The following CROCC variants were observed in gnomAD, a reference collection of about 807,000 sequenced individuals.
CROCC encodes rootletin.
In CROCC, 180 loss-of-function variants were observed where a neutral mutation model predicts 245.2. That is an observed-to-expected ratio of 0.73 (90% CI 0.65 to 0.83). The LOEUF is 0.83. CROCC is among the 40% of genes least tolerant of loss of function. The probability of loss-of-function intolerance (pLI) is 0.00; values close to 1 mark genes in which losing one functional copy is unlikely to be tolerated. For missense variants in CROCC, 2,688 were observed against 2,779.4 expected, an observed-to-expected ratio of 0.97 and a Z score of 0.74; for synonymous variants, 1,205 against 1,241.6, an observed-to-expected ratio of 0.97 and a Z score of 0.62.
At chr1:16,961,163 A>C in intron 27 of CROCC, 33 bp downstream of exon 27, 5 of 1,259,328 alleles carry the variant, frequency 4.0e-6, no homozygotes, top group Non-Finnish European at 5.0e-6. Context: ...GGAAGGGGGG[A>C]GGTGGGCGGG....
intron 33 of CROCC, 73 bp downstream of exon 33, chr1:16,970,007 C>T: frequency 2.0e-6 from 3 of 1,497,472 alleles, no homozygotes; most frequent in Non-Finnish European, 2.7e-6. Flanking sequence ...CGTTCCCACC[C>T]ATCTCAACCT....
At chr1:16,924,216 C>A in intron 2 of CROCC, 109 bp from the exon 3 acceptor site, 14 of 1,355,376 alleles carry the variant, frequency 1.0e-5, no homozygotes, top group Non-Finnish European at 1.4e-5. Flanking sequence ...GCAGCCATTC[C>A]CATCTGGACT....
chr1:16,927,569 C>T (rs577613575), intron 3 of CROCC, among the ~76,000 whole-genome samples: 1 of 152,404 alleles, frequency 6.6e-6, no homozygotes, highest in African/African-American at 2.4e-5. Flanking sequence ...CTTAGCCGTT[C>T]ACGGGAAGGC....
In CROCC at chr1:16,966,425, G is replaced by A. The variant is rs1055955512; in HGVS notation, c.4714G>A (p.Gly1572Arg). ...ESEEARRSVD[G>R]RLSGVQAELA... ...GGCTACAGCCCGGCGCAGTGTGGAT[G>A]GGCGGCTGAGCGGGGTCCAGGCGGA... Residue 1572 changes from glycine (G) to arginine (R), a missense_variant, in exon 30 of 37, where the codon GGG (glycine) becomes AGG (arginine). Gly to Arg is a moderately radical substitution (Grantham distance 125). Transcript: ENST00000375541. The surrounding 1 kb of genome is among the most constrained non-coding windows in gnomAD (Gnocchi z 4.8). 3 of 1,536,286 alleles carry A rather than the reference G, an allele frequency of 2.0e-6. No homozygotes were observed. In the East Asian group the frequency reaches 7.3e-5, roughly 37 times the overall value.
Position 16,939,931 on chromosome 1 carries a change from T to C in CROCC, c.1646T>C (p.Leu549Pro). The change falls in exon 13 of 37, where the codon CTG becomes CCG. Residue 549 changes from leucine to proline, a missense_variant. Physicochemically the swap from Leu to Pro is moderately conservative, Grantham distance 98. Around this residue, in one of 9 missense-constraint regions of CROCC, gnomAD observed 972 missense variants for 895.3 expected, o/e 1.09. Coordinates refer to ENST00000375541, the MANE Select transcript of CROCC (RefSeq NM_014675.5). ...RGRYEASQDL[L>P]GTLRKQLSDS... is the part of the protein sequence containing the mutation. ...CGCTATGAGGCAAGCCAGGACCTAC[T>C]GGGCACCCTGCGGAAGCAGCTTAGC... 1 of 1,612,704 alleles carries C rather than the reference T, an allele frequency of 6.2e-7. No homozygotes were observed. The highest frequency in any genetic ancestry group is 1.1e-5 in the South Asian group (1 of 91,024).
In CROCC at chr1:16,972,514, C is replaced by T. The variant is rs183137445; in HGVS notation, c.*68C>T. 18 of 1,052,056 alleles carry T rather than the reference C, an allele frequency of 1.7e-5. No individual in the cohort carries two copies. Among genetic ancestry groups the T allele is most frequent in the Non-Finnish European group, 2.2e-5 (16 of 742,288 alleles). 65.2% of individuals were successfully genotyped at this position (1,052,056 alleles called of 1,614,324 possible). A position where few individuals can be genotyped will look rare whatever the true frequency, so the allele number is the denominator to read the frequency against. On this transcript the variant is annotated 3_prime_UTR_variant, in exon 37 of 37. Transcript: ENST00000375541. The stretch of plus-strand genomic sequence containing the variant: ...GGGAGGACCCTTCTTTTGGACAGCC[C>T]CCCCACCCAGAGCCCGGTCCCTTGG...
Position 16,943,134 on chromosome 1 carries a change from TG to T in CROCC, c.1809-963del, listed in dbSNP as rs2075967771. On this transcript the variant is annotated intron_variant, in intron 13 of 36. Coordinates refer to ENST00000375541, the MANE Select transcript of CROCC (RefSeq NM_014675.5). ...GCACATGGCTGTAATCCCAGCTACT[TG>T]GGAGGCTGAGGCAGGAGAATCGCTT... Among the ~76,000 whole-genome samples, 3 of 152,312 alleles carry T rather than the reference TG, an allele frequency of 2.0e-5. No homozygotes were observed. In the South Asian group the frequency reaches 6.2e-4, roughly 32 times the overall value.
At position 16,940,137 on chromosome 1, in the gene CROCC, C is replaced by T; in HGVS notation, c.1808+44C>T. 2.6e-6 allele frequency: 4 copies of T among 1,552,820 alleles called. No homozygotes were observed. In the African/African-American group the frequency reaches 4.1e-5, roughly 16 times the overall value. ...CTGGGGGGTACTGAAGAATAAGTCA[C>T]CGTCTGGGCATAACACCAGTCAAGC... On this transcript the variant is annotated intron_variant, in intron 13 of 36. Transcript: ENST00000375541.
chr1:16,933,275 G>A, intron 8 of CROCC, among the ~76,000 whole-genome samples: 1 of 152,390 alleles, frequency 6.6e-6, no homozygotes, highest in Non-Finnish European at 1.5e-5. Context: ...AGACCAGCCT[G>A]GCCAACATGG....
Position 16,966,497 on chromosome 1 carries a change from C to T in CROCC, c.4786C>T (p.Arg1596Trp), listed in dbSNP as rs1011495637. 8.5e-6 allele frequency: 13 copies of T among 1,532,152 alleles called. No homozygotes were observed. The highest frequency in any genetic ancestry group is 1.2e-5 in the South Asian group (1 of 83,678). 94.9% of individuals were successfully genotyped at this position (1,532,152 alleles called of 1,614,324 possible). The change falls in exon 30 of 37, where the codon CGG becomes TGG. Residue 1596 changes from arginine (R) to tryptophan (W), a missense_variant. This residue lies in a region of CROCC where 1,218 missense variants were observed against 1,286.3 expected (regional missense o/e 0.95). Coordinates refer to ENST00000375541, the MANE Select transcript of CROCC (RefSeq NM_014675.5). This position sits in a 1 kb window ranked among gnomAD's most constrained non-coding sequence, Gnocchi z 4.8. ...TGTGCGGCGCAGTGAGCGGGAGCGC[C>T]GGGCCACGCTGGACCAGGTGGCCAC... is the stretch of plus-strand genomic sequence containing the variant. ...ESVRRSERER[R>W]ATLDQVATLE...
intron 25 of CROCC, among the ~76,000 whole-genome samples, chr1:16,957,052 G>T (rs747245432): frequency 2.0e-4 from 31 of 152,332 alleles, no homozygotes; most frequent in Admixed American, 3.3e-4. Flanking sequence ...CCAGTGGATT[G>T]CTTGAGCCCA....
chr1:16,952,286 CAT>C (rs2076175082), intron 20 of CROCC, among the ~76,000 whole-genome samples: 1 of 151,668 alleles, frequency 6.6e-6, no homozygotes, highest in African/African-American at 2.4e-5. Context: ...AGATCGAGAC[CAT>C]CCTGGCTAAC....
chr1:16,953,645 G>A (rs1283894084), intron 21 of CROCC, 164 bp downstream of exon 21: 6 of 632,672 alleles, frequency 9.5e-6, no homozygotes, highest in South Asian at 4.0e-5. Context: ...AAGGGGGTTC[G>A]TGAGGCTTTG....
intron 7 of CROCC, among the ~76,000 whole-genome samples, chr1:16,930,860 G>A (rs372420951): frequency 2.6e-5 from 4 of 152,286 alleles, no homozygotes; most frequent in Non-Finnish European, 4.4e-5. Context: ...GTTAAGGCCG[G>A]TCGCAGTGGC....
chr1:16,924,758 G>A (rs1323346346), intron 3 of CROCC, among the ~76,000 whole-genome samples: 3 of 152,290 alleles, frequency 2.0e-5, no homozygotes, highest in Non-Finnish European at 4.4e-5. Flanking sequence ...GTTCCCATCT[G>A]TCCCAGGCCT....
intron 8 of CROCC, among the ~76,000 whole-genome samples, chr1:16,932,060 C>T (rs1344111009): frequency 6.6e-6 from 1 of 152,252 alleles, no homozygotes; most frequent in Non-Finnish European, 1.5e-5. Context: ...AGCCACAGCG[C>T]CAGGCCGAAG....
intron 19 of CROCC, among the ~76,000 whole-genome samples, chr1:16,949,334 G>A (rs1357732230): frequency 7.2e-5 from 11 of 152,030 alleles, no homozygotes; most frequent in South Asian, 2.1e-4. Context: ...TTCCCATCCA[G>A]TCTCTGAACT....
chr1:16,948,418 GC>G lies in CROCC; in HGVS notation c.2605del (p.Arg869ValfsTer6), dbSNP rs760330922. 5 of 1,573,004 alleles carry G rather than the reference GC, an allele frequency of 3.2e-6. No homozygotes were observed. The highest frequency in any genetic ancestry group is 2.3e-5 in the East Asian group (1 of 43,684). On this transcript the variant is annotated frameshift_variant, in exon 18 of 37. Coordinates refer to ENST00000375541, the MANE Select transcript of CROCC (RefSeq NM_014675.5). LOFTEE classifies it high-confidence loss of function. Reference sequence around the variant, plus strand: ...GCAAGTGGAGGCGCTGGAGCGAGCGGCCCGTGAGAAGGAGGCGCTAGCCAAG... The same window carrying G: ...GCAAGTGGAGGCGCTGGAGCGAGCGGCCGTGAGAAGGAGGCGCTAGCCAAG... ...QRQVEALERA[A>X]REKEALAKEH...
chr1:16,946,871 G>A lies in CROCC; in HGVS notation c.2394G>A (p.Glu798=). 1.9e-6 allele frequency: 3 copies of A among 1,559,402 alleles called. No homozygotes were observed. The highest frequency in any genetic ancestry group is 1.2e-5 in the South Asian group (1 of 84,528). Reference sequence around the variant, plus strand: ...TAGAGGAGCTGCGGTTGGAGCAGGAGGTGGCGCGGCAGGGCCTGGAGGGCT... The same window carrying A: ...TAGAGGAGCTGCGGTTGGAGCAGGAAGTGGCGCGGCAGGGCCTGGAGGGCT... ...ERLEELRLEQ[E]VARQGLEGSL... is the part of the protein sequence containing the mutation. Residue 798 remains glutamate, a synonymous_variant, in exon 17 of 37, where the codon GAG becomes GAA. Coordinates refer to ENST00000375541, the MANE Select transcript of CROCC (RefSeq NM_014675.5).
Sources: allele counts gnomAD v4.1 joint callset (sites outside exome capture counted in the v4.1 genomes callset), GRCh38; gene constraint gnomAD v4.1.1; regional missense constraint gnomAD v4.1.1; non-coding constraint Gnocchi (gnomAD v3.1); transcripts MANE v1.5; gene names NCBI Gene and HGNC (gene_info 2026-07-23, HGNC 2026-07-21).